GRIK1: variants seen among roughly 807,000 people sequenced by gnomAD.
GRIK1 encodes the protein glutamate ionotropic receptor kainate type subunit 1, also known as glutamate receptor ionotropic, kainate 1.
A neutral mutation model predicts 105.7 loss-of-function variants in GRIK1; 69 were observed. The ratio of observed to expected loss-of-function variants is 0.65; its 90% CI spans 0.54 to 0.80. The LOEUF is 0.80. Ranked by LOEUF, GRIK1 falls within the 30% of genes least tolerant of loss-of-function variation. The probability of loss-of-function intolerance (pLI) is 0.00; values close to 1 mark genes in which losing one functional copy is unlikely to be tolerated. For synonymous variants in GRIK1, 438 were observed against 431.3 expected, an observed-to-expected ratio of 1.02 and a Z score of -0.19; for missense variants, 1,109 against 1,167.3, an observed-to-expected ratio of 0.95 and a Z score of 0.73.
chr21:29,802,543 C>G (rs575612115), intron 1 of GRIK1, among the ~76,000 whole-genome samples: 5 of 152,260 alleles, frequency 3.3e-5, no homozygotes, highest in African/African-American at 1.2e-4. Context: ...GTCTGGATCT[C>G]ATCATCCTCC....
chr21:29,561,885 G>T (rs1255557770), intron 14 of GRIK1, 36 bp from the exon 15 acceptor site: 10 of 1,283,214 alleles, frequency 7.8e-6, no homozygotes, highest in Non-Finnish European at 1.1e-5. Context: ...CAGCAGAAGA[G>T]GGCTGGAAAA....
Position 29,673,004 on chromosome 21 carries a change from T to G in GRIK1, c.705A>C (p.Thr235=). The change falls in exon 4 of 18, where the codon ACA becomes ACC. Residue 235 remains threonine, a synonymous_variant. Coordinates refer to ENST00000327783, the MANE Select transcript of GRIK1 (RefSeq NM_001330994.2). ...TTACCTGCTTAAGGATTTCAGCGGC[T>G]GTTTCATGTGAACAATCAAATATCA... The part of the protein sequence containing the change: ...FYVIFDCSHE[T]AAEILKQILF... 1 of 1,612,742 alleles carries G rather than the reference T, an allele frequency of 6.2e-7. No individual in the cohort carries two copies. The highest frequency in any genetic ancestry group is 8.5e-7 in the Non-Finnish European group (1 of 1,179,106).
chr21:29,565,049 T>G (rs2090580435), intron 14 of GRIK1, among the ~76,000 whole-genome samples: 1 of 152,214 alleles, frequency 6.6e-6, no homozygotes, highest in South Asian at 2.1e-4. Context: ...GGAAGTCTAG[T>G]TGGCATGGAC....
intron 1 of GRIK1, among the ~76,000 whole-genome samples, chr21:29,749,843 A>G (rs542542115): frequency 5.3e-5 from 8 of 152,358 alleles, no homozygotes; most frequent in African/African-American, 1.4e-4. Context: ...TCTTATCTGT[A>G]TAATAAAACC....
At chr21:29,637,302 C>T (rs2062416351) in intron 7 of GRIK1, among the ~76,000 whole-genome samples, 1 of 152,210 alleles carries the variant, frequency 6.6e-6, no homozygotes, top group African/African-American at 2.4e-5. Context: ...GTGCTTGCTG[C>T]TACCACAGCT....
chr21:29,775,693 T>C (rs573459685), intron 1 of GRIK1, among the ~76,000 whole-genome samples: 49 of 152,284 alleles, frequency 3.2e-4, no homozygotes, highest in African/African-American at 1.1e-3. Flanking sequence ...TGGTGATCAG[T>C]TGCTCTCTAC....
intron 3 of GRIK1, among the ~76,000 whole-genome samples, chr21:29,677,146 A>G (rs2146662182): frequency 6.6e-6 from 1 of 152,338 alleles, no homozygotes; most frequent in South Asian, 2.1e-4. Context: ...GTGTTTCTAT[A>G]TTAAGAGAAT....
intron 1 of GRIK1, among the ~76,000 whole-genome samples, chr21:29,853,435 A>T (rs1241401834): frequency 6.6e-6 from 1 of 152,232 alleles, no homozygotes; most frequent in Admixed American, 6.5e-5. Flanking sequence ...TCAAAAGTCA[A>T]TTCTGAAAGT....
At chr21:29,708,408 T>C (rs1297131896) in intron 1 of GRIK1, among the ~76,000 whole-genome samples, 1 of 152,246 alleles carries the variant, frequency 6.6e-6, no homozygotes, top group African/African-American at 2.4e-5. Context: ...TTAGCTTTAA[T>C]GTTGATTAGA....
Position 29,561,798 on chromosome 21 carries a change from G to A in GRIK1, c.2182C>T (p.Gln728Ter), listed in dbSNP as rs1345087543. 1 of 1,613,884 alleles carries A rather than the reference G, an allele frequency of 6.2e-7. No homozygotes were observed. The highest frequency in any genetic ancestry group is 8.5e-7 in the Non-Finnish European group (1 of 1,179,916). ...CTGTTTCTTACCAGGGCGGTCTGCT[G>A]CCTGCTGCTCATGAAAGCCCACATC... The part of the protein sequence containing the change: ...EKMWAFMSSR[Q>*]QTALVRNSDE... Residue 728 changes from glutamine (Q) to a stop codon, truncating the protein, a stop_gained, in exon 15 of 18, where the codon CAG (glutamine) becomes TAG (stop). Transcript: ENST00000327783. LOFTEE classifies it high-confidence loss of function.
intron 1 of GRIK1, among the ~76,000 whole-genome samples, chr21:29,735,400 C>T (rs2064763481): frequency 1.3e-5 from 2 of 152,268 alleles, no homozygotes; most frequent in Non-Finnish European, 2.9e-5. Context: ...CTCACAAAGG[C>T]ACAATATGAG....
chr21:29,781,826 G>A lies in GRIK1; in HGVS notation c.119-87763C>T, dbSNP rs561238994. Among the ~76,000 whole-genome samples the A allele has an allele frequency of 5.8e-3, 833 of 144,574 alleles. 3 individuals are homozygous for A. Among genetic ancestry groups the A allele is most frequent in the Middle Eastern group, 0.018 (5 of 272 alleles). 94.8% of individuals were successfully genotyped at this position (144,574 alleles called of 152,430 possible). A position where few individuals can be genotyped will look rare whatever the true frequency, so the allele number is the denominator to read the frequency against. ...GCTGGGACTACAGGCGCCCGCCACCGCGCCCGGCTAATTTTTTGTATTTTT... is the reference window on the plus strand; with the variant it reads ...GCTGGGACTACAGGCGCCCGCCACCACGCCCGGCTAATTTTTTGTATTTTT... On this transcript the variant is annotated intron_variant, in intron 1 of 17. Transcript: ENST00000327783.
chr21:29,855,249 G>C (rs2068429192), intron 1 of GRIK1, among the ~76,000 whole-genome samples: 1 of 152,186 alleles, frequency 6.6e-6, no homozygotes, highest in Non-Finnish European at 1.5e-5. Context: ...CGGAGTGAAA[G>C]AGACACAAAT....
chr21:29,647,372 T>C (rs556923032), intron 6 of GRIK1, among the ~76,000 whole-genome samples: 1 of 152,334 alleles, frequency 6.6e-6, no homozygotes, highest in South Asian at 2.1e-4. Flanking sequence ...TAGGCTTTCA[T>C]TATCTCGGAA....
chr21:29,869,810 C>A (rs192301746), intron 1 of GRIK1, among the ~76,000 whole-genome samples: 88 of 152,286 alleles, frequency 5.8e-4, no homozygotes, highest in African/African-American at 1.8e-3. Context: ...TTCAAACCCT[C>A]CACAGCTAGT....
chr21:29,697,267 G>GT (rs1002593941), intron 1 of GRIK1, among the ~76,000 whole-genome samples: 14 of 152,166 alleles, frequency 9.2e-5, no homozygotes, highest in East Asian at 1.9e-4. Flanking sequence ...CTAGAAATAA[G>GT]TTTTTTTTAT....
intron 4 of GRIK1, 125 bp from the exon 5 acceptor site, chr21:29,654,988 C>A: frequency 1.4e-6 from 1 of 708,842 alleles, no homozygotes. Context: ...TCCACAAACT[C>A]AGCAGATCAG....
At chr21:29,812,556 T>G (rs1367022242) in intron 1 of GRIK1, among the ~76,000 whole-genome samples, 1 of 152,168 alleles carries the variant, frequency 6.6e-6, no homozygotes, top group Non-Finnish European at 1.5e-5. Flanking sequence ...GACCCCATGT[T>G]GAGAATGCAA....
intron 1 of GRIK1, among the ~76,000 whole-genome samples, chr21:29,735,846 C>CAAAAAAA (rs34778018): frequency 9.9e-6 from 1 of 101,264 alleles, no homozygotes; most frequent in Non-Finnish European, 2.3e-5. Context: ...GACTCCGTCT[C>CAAAAAAA]AAAAAAAAAA....
Sources: allele counts gnomAD v4.1 joint callset (sites outside exome capture counted in the v4.1 genomes callset), GRCh38; gene constraint gnomAD v4.1.1; transcripts MANE v1.5; gene names NCBI Gene and HGNC (gene_info 2026-07-23, HGNC 2026-07-21).